NRP2: variants seen among roughly 807,000 people sequenced by gnomAD.
NRP2 encodes neuropilin 2.
NRP2 carries 52 observed loss-of-function variants against 110.4 expected under a neutral mutation model. The observed-to-expected ratio is 0.47, with a 90% CI of 0.38 to 0.59. The LOEUF (loss-of-function observed/expected upper bound fraction) is 0.59, where lower values mean the gene tolerates loss of function less well. Among genes scored for constraint, NRP2 ranks in the 20% least tolerant of loss-of-function variants. The pLI, the probability that NRP2 is intolerant of heterozygous loss-of-function variation, is 0.00. For synonymous variants in NRP2, 508 were observed against 468.9 expected (o/e 1.08, Z -1.08); for missense variants, 1,049 against 1,203.0 (o/e 0.87, Z 1.89).
intron 2 of NRP2, among the ~76,000 whole-genome samples, chr2:205,713,756 G>A (rs2056843200): frequency 6.6e-6 from 1 of 152,062 alleles, no homozygotes; most frequent in Admixed American, 6.6e-5. Context: ...CTCCCTCTAC[G>A]GTTGGGCTTT....
At chr2:205,683,786 T>C (rs1418333976) in intron 1 of NRP2, among the ~76,000 whole-genome samples, 1 of 152,242 alleles carries the variant, frequency 6.6e-6, no homozygotes, top group African/African-American at 2.4e-5. Flanking sequence ...CTTAGCTACA[T>C]TGAGCAATGT....
chr2:205,756,867 A>G (rs1355647276), intron 12 of NRP2: 1 of 152,242 alleles, frequency 6.6e-6, no homozygotes, highest in Non-Finnish European at 1.5e-5. Context: ...GTAACATGGC[A>G]TTAGATGGTG....
Position 205,792,223 on chromosome 2 carries a change from T to C in NRP2, c.2426-12T>C. The stretch of plus-strand genomic sequence containing the variant: ...TTGTTATTAACTTGTTTTTATTTTC[T>C]TTATATTATAGTGGACATCCCAGAA... On this transcript the variant is annotated splice_polypyrimidine_tract_variant and intron_variant, in intron 15 of 16. Transcript: ENST00000357785. The C allele has an allele frequency of 6.4e-7, 1 of 1,560,972 alleles. No individual in the cohort carries two copies. The highest frequency in any genetic ancestry group is 2.2e-5 in the East Asian group (1 of 44,620).
At chr2:205,734,339 A>G (rs141893000) in intron 7 of NRP2, among the ~76,000 whole-genome samples, 2,088 of 152,080 alleles carry the variant, frequency 0.014, 34 homozygotes, top group South Asian at 0.016. Flanking sequence ...AAGGAGAAAG[A>G]TCAGGACCAT....
chr2:205,683,121 T>C lies in NRP2; in HGVS notation c.-170T>C. 1 of 607,354 alleles carries C rather than the reference T, an allele frequency of 1.6e-6. No homozygotes were observed. The highest frequency in any genetic ancestry group is 2.8e-5 in the East Asian group (1 of 35,570). The allele number at this position is 607,354 out of a possible 1,614,324, so 37.6% of individuals were successfully genotyped here. ...ACTCTCCTCCTGGTGAGGTGGAAAT[T>C]CCAGCAAGAATAGAGGTGAAGACAA... is the stretch of plus-strand genomic sequence containing the variant. On this transcript the variant is annotated 5_prime_UTR_variant, in exon 1 of 17. Transcript: ENST00000357785.
intron 15 of NRP2, among the ~76,000 whole-genome samples, chr2:205,784,710 G>A (rs2058216910): frequency 6.6e-6 from 1 of 152,154 alleles, no homozygotes. Context: ...TTTGTGCCAG[G>A]TGCAGTTTGT....
At chr2:205,758,116 G>A (rs769706287) in intron 12 of NRP2, among the ~76,000 whole-genome samples, 33 of 152,278 alleles carry the variant, frequency 2.2e-4, no homozygotes, top group Middle Eastern at 3.4e-3. Context: ...ATCTTGCTAA[G>A]TTTATCCAAA....
At chr2:205,688,143 A>G (rs1170579607) in intron 1 of NRP2, among the ~76,000 whole-genome samples, 1 of 152,258 alleles carries the variant, frequency 6.6e-6, no homozygotes, top group African/African-American at 2.4e-5. Context: ...AGATAGAGCA[A>G]AAGAAGAATA....
Position 205,763,832 on chromosome 2 carries a change from G to A in NRP2, c.2203G>A (p.Glu735Lys), listed in dbSNP as rs536737321. The A allele has an allele frequency of 1.3e-5, 21 of 1,614,052 alleles. No homozygotes were observed. Among genetic ancestry groups the A allele is most frequent in the Non-Finnish European group, 1.8e-5 (21 of 1,180,026 alleles). The change falls in exon 13 of 17, where the codon GAA (glutamate) becomes AAA (lysine). Residue 735 changes from glutamate (E) to lysine (K), a missense_variant. Physicochemically the swap from Glu to Lys is moderately conservative, Grantham distance 56. Coordinates refer to ENST00000357785, the MANE Select transcript of NRP2 (RefSeq NM_003872.3). This position sits in a 1 kb window ranked among gnomAD's most constrained non-coding sequence, Gnocchi z 4.0. Reference sequence around the variant, plus strand: ...CGGGGTGGCGCTGCAGGTGGTGCGGGAAGCCAGCCAGGAGAGCAAGTTGCT... The same window carrying A: ...CGGGGTGGCGCTGCAGGTGGTGCGGAAAGCCAGCCAGGAGAGCAAGTTGCT... The part of the protein sequence containing the change: ...GRGVALQVVR[E>K]ASQESKLLWV...
chr2:205,691,088 G>T (rs1379146963), intron 1 of NRP2, among the ~76,000 whole-genome samples: 1 of 152,120 alleles, frequency 6.6e-6, no homozygotes, highest in Non-Finnish European at 1.5e-5. Flanking sequence ...TTCTTAATTG[G>T]TTAATTCACC....
intron 7 of NRP2, among the ~76,000 whole-genome samples, chr2:205,734,942 C>T (rs1442535557): frequency 6.6e-6 from 1 of 152,146 alleles, no homozygotes; most frequent in Non-Finnish European, 1.5e-5. Context: ...GTAGTTCACA[C>T]CATAGGTAAT....
In NRP2 at chr2:205,794,739, T is replaced by C. The variant is rs73983267; in HGVS notation, c.2477-15T>C. On this transcript the variant is annotated splice_polypyrimidine_tract_variant and intron_variant, in intron 16 of 16. Coordinates refer to ENST00000357785, the MANE Select transcript of NRP2 (RefSeq NM_003872.3). ...GGCAGTGCCTGCAATCTCTCATGAATTTTATGTATCGCAGATGAATACGAG... is the reference window on the plus strand; with the variant it reads ...GGCAGTGCCTGCAATCTCTCATGAACTTTATGTATCGCAGATGAATACGAG... The C allele has an allele frequency of 2.5e-3, 4,055 of 1,613,924 alleles. 85 individuals are homozygous for C. The African/African-American group carries it at 0.048, about 19-fold the overall frequency.
chr2:205,736,066 G>C (rs1460000866), intron 7 of NRP2, among the ~76,000 whole-genome samples: 1 of 152,194 alleles, frequency 6.6e-6, no homozygotes, highest in African/African-American at 2.4e-5. Context: ...AGTGGGCCAG[G>C]CATGGTGGCT....
intron 15 of NRP2, among the ~76,000 whole-genome samples, chr2:205,774,589 T>A (rs571836049): frequency 6.6e-6 from 1 of 152,256 alleles, no homozygotes; most frequent in South Asian, 2.1e-4. Context: ...CGGAAGGGGA[T>A]TCATACAGCA....
chr2:205,767,145 CAA>C (rs60081325), intron 15 of NRP2: 3,910 of 257,034 alleles, frequency 0.015, no homozygotes, highest in South Asian at 0.027. Flanking sequence ...AAGACTGAAC[CAA>C]AAAAAAAAAA....
intron 13 of NRP2, chr2:205,764,218 A>G (rs1421128815): frequency 1.3e-5 from 6 of 463,650 alleles, no homozygotes; most frequent in Middle Eastern, 6.0e-4. Flanking sequence ...GTAGGCTGAC[A>G]AAGGGACACA....
chr2:205,690,715 G>T (rs1445639815), intron 1 of NRP2, among the ~76,000 whole-genome samples: 1 of 152,016 alleles, frequency 6.6e-6, no homozygotes, highest in South Asian at 2.1e-4. Flanking sequence ...GGGAGGCGGA[G>T]GTTGCAGTGG....
At chr2:205,723,146 G>T (rs1208527004) in intron 4 of NRP2, among the ~76,000 whole-genome samples, 1 of 152,148 alleles carries the variant, frequency 6.6e-6, no homozygotes, top group Non-Finnish European at 1.5e-5. Context: ...TAAGTTAGCT[G>T]CTATCATCAT....
At chr2:205,740,754 C>T in intron 8 of NRP2, 91 bp downstream of exon 8, 1 of 1,447,212 alleles carries the variant, frequency 6.9e-7, no homozygotes, top group Non-Finnish European at 9.5e-7. Context: ...GACTGCACCA[C>T]ATGACCTTCC....
Sources: allele counts gnomAD v4.1 joint callset (sites outside exome capture counted in the v4.1 genomes callset), GRCh38; gene constraint gnomAD v4.1.1; non-coding constraint Gnocchi (gnomAD v3.1); transcripts MANE v1.5; gene names NCBI Gene and HGNC (gene_info 2026-07-23, HGNC 2026-07-21).